FHIT: variants seen among roughly 807,000 people sequenced by gnomAD.
FHIT encodes the protein bis(5'-adenosyl)-triphosphatase.
Under a neutral mutation model 17.9 loss-of-function variants are expected in FHIT, and 19 were observed. The observed-to-expected ratio is 1.06, with a 90% CI of 0.74 to 1.56. The LOEUF is 1.56. Ranked by LOEUF, FHIT falls within the 40% of genes most tolerant of loss-of-function variation. The probability of loss-of-function intolerance (pLI) is 0.00; values close to 1 mark genes in which losing one functional copy is unlikely to be tolerated. For synonymous variants in FHIT, 81 were observed against 69.7 expected (o/e 1.16, Z -0.81); for missense variants, 248 against 189.2 (o/e 1.31, Z -1.82).
chr3:60,156,934 G>C (rs1203103039), intron 5 of FHIT, among the ~76,000 whole-genome samples: 1 of 151,774 alleles, frequency 6.6e-6, no homozygotes, highest in Non-Finnish European at 1.5e-5. Context: ...TCCATATGTA[G>C]TTATATATTA....
chr3:61,144,053 T>C (rs894138938), intron 2 of FHIT, among the ~76,000 whole-genome samples: 3 of 152,220 alleles, frequency 2.0e-5, no homozygotes, highest in African/African-American at 7.2e-5. Context: ...TTTAGATACA[T>C]TTACAAACCA....
chr3:60,537,556 A>G, intron 4 of FHIT: 2 of 619,474 alleles, frequency 3.2e-6, no homozygotes, highest in African/African-American at 4.0e-5. Flanking sequence ...AGAAGGAAGG[A>G]GCAAAACGGA....
rs1703112131 is a variant in FHIT at position 60,078,089 on chromosome 3, C to G, written c.104-63937G>C. 5.3e-5 allele frequency among the ~76,000 whole-genome samples: 8 copies of G among 152,062 alleles called. No individual in the cohort carries two copies. In the South Asian group the frequency reaches 1.2e-3, roughly 24 times the overall value. ...TAGAAAGTTACCATTTAACAATCAT[C>G]ACAAAAGTAACTGTTTCAGGTAAGA... On this transcript the variant is annotated intron_variant, in intron 5 of 9. Coordinates refer to ENST00000492590, the MANE Select transcript of FHIT (RefSeq NM_002012.4).
intron 3 of FHIT, among the ~76,000 whole-genome samples, chr3:60,908,601 C>A (rs1056871765): frequency 6.7e-6 from 1 of 149,290 alleles, no homozygotes; most frequent in African/African-American, 2.5e-5. Flanking sequence ...GAGACTGAAA[C>A]AGACAAAGGC....
At chr3:60,661,162 A>T (rs2040238523) in intron 4 of FHIT, among the ~76,000 whole-genome samples, 1 of 152,296 alleles carries the variant, frequency 6.6e-6, no homozygotes, top group Admixed American at 6.5e-5. Context: ...ATACCCAAAC[A>T]GTATACACTG....
intron 5 of FHIT, among the ~76,000 whole-genome samples, chr3:60,222,244 T>A (rs923955976): frequency 6.6e-6 from 1 of 151,674 alleles, no homozygotes; most frequent in East Asian, 1.9e-4. Context: ...TCATTCATTC[T>A]GAGCCAGGAT....
At chr3:60,823,618 T>A (rs923482718) in intron 3 of FHIT, among the ~76,000 whole-genome samples, 2 of 152,090 alleles carry the variant, frequency 1.3e-5, no homozygotes, top group Non-Finnish European at 2.9e-5. Flanking sequence ...CCCCTGCAGA[T>A]TTTAGAGGGA....
intron 3 of FHIT, among the ~76,000 whole-genome samples, chr3:60,983,994 A>T (rs2107562266): frequency 6.6e-6 from 1 of 152,330 alleles, no homozygotes; most frequent in African/African-American, 2.4e-5. Context: ...AAAATGATGA[A>T]TTTCAGAAAG....
intron 1 of FHIT, among the ~76,000 whole-genome samples, chr3:61,214,744 T>C (rs1363134931): frequency 6.6e-6 from 1 of 152,206 alleles, no homozygotes; most frequent in Non-Finnish European, 1.5e-5. Flanking sequence ...TGAACATTGA[T>C]GCAAATATCC....
intron 5 of FHIT, among the ~76,000 whole-genome samples, chr3:60,073,998 G>A (rs932046977): frequency 3.9e-5 from 6 of 152,050 alleles, no homozygotes; most frequent in African/African-American, 1.4e-4. Context: ...TTTGATATCA[G>A]ACTTGATTTG....
intron 4 of FHIT, among the ~76,000 whole-genome samples, chr3:60,594,730 T>C (rs983651746): frequency 3.9e-5 from 6 of 152,132 alleles, no homozygotes; most frequent in African/African-American, 1.4e-4. Context: ...AAGCCCAGAA[T>C]AGCCTCTGCT....
intron 5 of FHIT, among the ~76,000 whole-genome samples, chr3:60,093,249 C>T (rs866198632): frequency 1.3e-5 from 2 of 152,136 alleles, no homozygotes; most frequent in Non-Finnish European, 2.9e-5. Flanking sequence ...TTTCCAGAGG[C>T]TTCTTTTCCA....
At chr3:60,009,446 A>G (rs1341286944) in intron 7 of FHIT, among the ~76,000 whole-genome samples, 1 of 152,146 alleles carries the variant, frequency 6.6e-6, no homozygotes, top group African/African-American at 2.4e-5. Context: ...CAATTCATAT[A>G]TAAGTACTAT....
intron 4 of FHIT, among the ~76,000 whole-genome samples, chr3:60,576,046 A>C (rs782591295): frequency 3.9e-5 from 6 of 152,104 alleles, no homozygotes; most frequent in Non-Finnish European, 7.4e-5. Flanking sequence ...ACACCCTGTA[A>C]ACTTACACTA....
Position 60,012,592 on chromosome 3 carries a change from A to AAT in FHIT, c.250-1193_250-1192insAT, listed in dbSNP as rs1293730170. On this transcript the variant is annotated intron_variant, in intron 6 of 9. Transcript: ENST00000492590. Reference sequence around the variant, plus strand: ...CCAGAAATCAGATCTTAATAGAATAAAAACTATTAGACTGCACAGAATGAG... The same window carrying AAT: ...CCAGAAATCAGATCTTAATAGAATAAATAAACTATTAGACTGCACAGAATGAG... 5.3e-5 allele frequency among the ~76,000 whole-genome samples: 8 copies of AAT among 152,142 alleles called. No individual in the cohort carries two copies. The East Asian group carries it at 1.2e-3, about 22-fold the overall frequency.
chr3:60,492,395 A>G (rs1422044892), intron 5 of FHIT, among the ~76,000 whole-genome samples: 1 of 152,326 alleles, frequency 6.6e-6, no homozygotes, highest in African/African-American at 2.4e-5. Context: ...AAAGATTTGG[A>G]TATATAGGAA....
chr3:60,951,485 G>A (rs9849709), intron 3 of FHIT, among the ~76,000 whole-genome samples: 20,719 of 152,062 alleles, frequency 0.14, 1,694 homozygotes, highest in Middle Eastern at 0.24. Context: ...ACAAGCAAAC[G>A]AAGAGGAAAA....
intron 5 of FHIT, among the ~76,000 whole-genome samples, chr3:60,503,750 C>T (rs1225773247): frequency 6.6e-6 from 1 of 151,994 alleles, no homozygotes; most frequent in Non-Finnish European, 1.5e-5. Context: ...GGATATCATA[C>T]TATATGTAGA....
At chr3:60,231,892 C>G (rs1320285866) in intron 5 of FHIT, among the ~76,000 whole-genome samples, 4 of 152,048 alleles carry the variant, frequency 2.6e-5, no homozygotes, top group South Asian at 4.1e-4. Flanking sequence ...CTGGGTGGAC[C>G]TGATTTAATC....
Sources: gnomAD v4.1 joint callset for allele counts (sites outside exome capture counted in the v4.1 genomes callset) on GRCh38, gnomAD v4.1.1 for gene constraint, MANE v1.5 for transcripts, NCBI Gene and HGNC (gene_info 2026-07-23, HGNC 2026-07-21) for gene names.